EPHA5: variants seen among roughly 807,000 people sequenced by gnomAD.
EPHA5 encodes EPH receptor A5, also known as ephrin type-A receptor 5.
EPHA5 carries 60 observed loss-of-function variants against 105.0 expected under a neutral mutation model. That is an observed-to-expected ratio of 0.57 (90% CI 0.46 to 0.71). The LOEUF (loss-of-function observed/expected upper bound fraction) is 0.71, where lower values mean the gene tolerates loss of function less well. Ranked by LOEUF, EPHA5 falls within the 30% of genes least tolerant of loss-of-function variation. The pLI, the probability that EPHA5 is intolerant of heterozygous loss-of-function variation, is 0.00. For synonymous variants in EPHA5, 513 were observed against 449.1 expected (o/e 1.14, Z -1.80); for missense variants, 1,218 against 1,274.7 (o/e 0.96, Z 0.68).
intron 3 of EPHA5, among the ~76,000 whole-genome samples, chr4:65,533,932 CA>C (rs956529226): frequency 3.0e-5 from 4 of 132,114 alleles, no homozygotes; most frequent in Non-Finnish European, 3.2e-5. Flanking sequence ...GACTCCATCT[CA>C]AAAAAAAATA....
chr4:65,532,898 C>T (rs1484507586), intron 3 of EPHA5, among the ~76,000 whole-genome samples: 1 of 152,074 alleles, frequency 6.6e-6, no homozygotes, highest in East Asian at 1.9e-4. Context: ...ATTTGTCATA[C>T]ACAGTTCATT....
chr4:65,503,128 A>G (rs1732658131), intron 3 of EPHA5, among the ~76,000 whole-genome samples: 1 of 151,634 alleles, frequency 6.6e-6, no homozygotes, highest in Admixed American at 6.6e-5. Context: ...AAGAAGGAGG[A>G]AGGAAGTTGA....
At chr4:65,369,942 CG>C (rs1311873923) in intron 8 of EPHA5, among the ~76,000 whole-genome samples, 5 of 151,998 alleles carry the variant, frequency 3.3e-5, no homozygotes, top group African/African-American at 9.7e-5. Flanking sequence ...ACTCCAGCCT[CG>C]GCCACAGAGC....
chr4:65,597,846 A>T (rs1377887000), intron 3 of EPHA5, among the ~76,000 whole-genome samples: 1 of 152,172 alleles, frequency 6.6e-6, no homozygotes, highest in East Asian at 1.9e-4. Flanking sequence ...CTCCAGACTC[A>T]CTGCTTGGTC....
intron 11 of EPHA5, among the ~76,000 whole-genome samples, chr4:65,359,477 T>C (rs1256629977): frequency 6.6e-6 from 1 of 151,670 alleles, no homozygotes; most frequent in Non-Finnish European, 1.5e-5. Context: ...ATCTCCAATT[T>C]AACATGTCCA....
At chr4:65,585,106 GTGTGCATGTGTGTT>G (rs1184892578) in intron 3 of EPHA5, among the ~76,000 whole-genome samples, 1 of 129,372 alleles carries the variant, frequency 7.7e-6, no homozygotes, top group African/African-American at 3.0e-5. Flanking sequence ...ATGTATATGT[GTGTGCATGTGTGTT>G]TGTGTGTGTG....
intron 8 of EPHA5, among the ~76,000 whole-genome samples, chr4:65,382,872 C>T (rs1719696266): frequency 6.6e-6 from 1 of 151,416 alleles, no homozygotes; most frequent in Admixed American, 6.6e-5. Context: ...TATAATAGTT[C>T]TTTGGGAATT....
chr4:65,366,404 T>G (rs1717913093), intron 9 of EPHA5, among the ~76,000 whole-genome samples: 1 of 151,888 alleles, frequency 6.6e-6, no homozygotes, highest in Non-Finnish European at 1.5e-5. Context: ...ATTCTATATT[T>G]CATATGGATG....
chr4:65,459,308 C>T (rs2149126828), intron 5 of EPHA5, among the ~76,000 whole-genome samples: 1 of 151,974 alleles, frequency 6.6e-6, no homozygotes, highest in Admixed American at 6.6e-5. Flanking sequence ...AACATGGAAA[C>T]TAAAGGAAAA....
intron 5 of EPHA5, among the ~76,000 whole-genome samples, chr4:65,446,342 A>T (rs1560544546): frequency 6.6e-6 from 1 of 152,204 alleles, no homozygotes; most frequent in African/African-American, 2.4e-5. Context: ...TCATTTAATC[A>T]TTACTTTACT....
chr4:65,326,735 A>G (rs1720115237), intron 16 of EPHA5, among the ~76,000 whole-genome samples: 1 of 151,320 alleles, frequency 6.6e-6, no homozygotes, highest in African/African-American at 2.4e-5. Flanking sequence ...TGTTTTATAA[A>G]CCCATAAGAA....
intron 6 of EPHA5, among the ~76,000 whole-genome samples, 161 bp from the exon 7 acceptor site, chr4:65,414,604 A>C (rs1723218474): frequency 6.6e-6 from 1 of 152,190 alleles, no homozygotes; most frequent in East Asian, 1.9e-4. Context: ...TAGGTGTGCT[A>C]TTTACATAGA....
At chr4:65,578,916 G>A (rs563917887) in intron 3 of EPHA5, among the ~76,000 whole-genome samples, 7 of 151,968 alleles carry the variant, frequency 4.6e-5, no homozygotes, top group African/African-American at 1.7e-4. Flanking sequence ...GCTAAAGACC[G>A]CTATTAAAAA....
In EPHA5 at chr4:65,531,028, T is replaced by A. The variant is rs899056363; in HGVS notation, c.911-35485A>T. 6.1e-5 allele frequency among the ~76,000 whole-genome samples: 8 copies of A among 131,646 alleles called. 1 individual carries two copies. The highest frequency in any genetic ancestry group is 7.8e-5 in the Admixed American group (1 of 12,880). 86.4% of individuals were successfully genotyped at this position (131,646 alleles called of 152,430 possible). ...TTTATTTTTTTTATTTTTTTTATTT[T>A]TTTTATTTTTTTATTTTTTTGAGAC... On this transcript the variant is annotated intron_variant, in intron 3 of 16. Coordinates refer to ENST00000613740, the MANE Select transcript of EPHA5 (RefSeq NM_001281766.3).
chr4:65,409,429 TA>T (rs1471334902), intron 7 of EPHA5, among the ~76,000 whole-genome samples: 1 of 151,912 alleles, frequency 6.6e-6, no homozygotes, highest in African/African-American at 2.4e-5. Flanking sequence ...TAATGTTTCT[TA>T]AAAAAATCAT....
At chr4:65,396,543 C>G (rs1006757148) in intron 8 of EPHA5, among the ~76,000 whole-genome samples, 3 of 152,108 alleles carry the variant, frequency 2.0e-5, no homozygotes, top group Non-Finnish European at 4.4e-5. Flanking sequence ...ACAGCAGTAC[C>G]ACTGGAGGAC....
chr4:65,362,240 C>T (rs1350377733), intron 11 of EPHA5, among the ~76,000 whole-genome samples: 1 of 109,146 alleles, frequency 9.2e-6, no homozygotes, highest in African/African-American at 3.0e-5. Flanking sequence ...CTACTTCAGA[C>T]TCCCTACCTC....
chr4:65,579,435 A>G (rs1741396858), intron 3 of EPHA5, among the ~76,000 whole-genome samples: 1 of 149,670 alleles, frequency 6.7e-6, no homozygotes, highest in South Asian at 2.1e-4. Flanking sequence ...GGATTGTGGC[A>G]GTATAGATTA....
At chr4:65,582,063 C>T (rs76744880) in intron 3 of EPHA5, among the ~76,000 whole-genome samples, 2,238 of 151,730 alleles carry the variant, frequency 0.015, 56 homozygotes, top group African/African-American at 0.049. Flanking sequence ...GGTCCTCCTC[C>T]TCAATCCCTC....
Sources: allele counts gnomAD v4.1 joint callset (sites outside exome capture counted in the v4.1 genomes callset), GRCh38; gene constraint gnomAD v4.1.1; transcripts MANE v1.5; gene names NCBI Gene and HGNC (gene_info 2026-07-23, HGNC 2026-07-21).